The following ANKRA2 variants were observed in gnomAD, a reference collection of about 807,000 sequenced individuals.
ANKRA2 encodes the protein ankyrin repeat family A member 2, also known as ankyrin repeat family A protein 2.
Under a neutral mutation model 37.8 loss-of-function variants are expected in ANKRA2, and 33 were observed. The ratio of observed to expected loss-of-function variants is 0.87; its 90% CI spans 0.66 to 1.17. ANKRA2 has a LOEUF of 1.17. ANKRA2 is among the 50% of genes most tolerant of loss of function. ANKRA2 has a pLI of 0.00. For synonymous variants in ANKRA2, 126 were observed against 132.3 expected (o/e 0.95, Z 0.33); for missense variants, 326 against 373.7 (o/e 0.87, Z 1.05).
At chr5:73,559,378 T>C (rs965310191) in intron 3 of ANKRA2, among the ~76,000 whole-genome samples, 1 of 152,164 alleles carries the variant, frequency 6.6e-6, no homozygotes, top group African/African-American at 2.4e-5. Flanking sequence ...TTATACTATA[T>C]AGAATATTTT....
chr5:73,561,009 G>T, intron 3 of ANKRA2, 121 bp downstream of exon 3: 3 of 1,038,400 alleles, frequency 2.9e-6, no homozygotes, highest in Non-Finnish European at 4.1e-6. Flanking sequence ...GTATTCCATT[G>T]TGTAGTATAA....
At chr5:73,555,351 C>T (rs1490701631) in intron 5 of ANKRA2, 137 bp downstream of exon 5, 8 of 1,382,384 alleles carry the variant, frequency 5.8e-6, no homozygotes, top group Non-Finnish European at 7.7e-6. Context: ...GATCCAAGTT[C>T]CACAAGAATA....
At chr5:73,555,328 G>C in intron 5 of ANKRA2, 160 bp downstream of exon 5, 1 of 1,304,572 alleles carries the variant, frequency 7.7e-7, no homozygotes, top group East Asian at 2.5e-5. Flanking sequence ...GATTAGTCTT[G>C]CCTTCCCAAC....
Position 73,552,840 on chromosome 5 carries a change from A to G in ANKRA2, c.899T>C (p.Ile300Thr). 6.2e-7 allele frequency: 1 copy of G among 1,605,908 alleles called. No homozygotes were observed. The highest frequency in any genetic ancestry group is 8.5e-7 in the Non-Finnish European group (1 of 1,173,436). The change falls in exon 9 of 9, where the codon ATT becomes ACT. Residue 300 changes from isoleucine to threonine, a missense_variant. Around this residue, in one of 3 missense-constraint regions of ANKRA2, gnomAD observed 228 missense variants for 260.2 expected, o/e 0.88. Transcript: ENST00000296785. ...AAGCAGCTTCAACAAATGTGACTCA[A>G]TAACCTGTTGAACTAGAACAGATAG... ...ALGYRSVQQVIESHLLKLLQN... is the reference protein window; with the variant it reads ...ALGYRSVQQVTESHLLKLLQN...
intron 5 of ANKRA2, 179 bp from the exon 6 acceptor site, chr5:73,555,165 C>T: frequency 7.0e-7 from 1 of 1,420,320 alleles, no homozygotes; most frequent in Non-Finnish European, 9.1e-7. Flanking sequence ...TGCCTTCCTT[C>T]CTCCGTCCTG....
intron 1 of ANKRA2, among the ~76,000 whole-genome samples, chr5:73,564,586 T>C (rs1457451639): frequency 6.6e-6 from 1 of 152,218 alleles, no homozygotes; most frequent in Non-Finnish European, 1.5e-5. Flanking sequence ...CCAACATCGC[T>C]ACTAACTAGC....
rs1419324490 is a variant in ANKRA2, at chr5:73,552,569, C to T, written c.*228G>A. ...TAACTATCTGTACCATAAAAATTTA[C>T]ATGCCACGAAAACATTAATTTATAA... On this transcript the variant is annotated 3_prime_UTR_variant, in exon 9 of 9. Coordinates refer to ENST00000296785, the MANE Select transcript of ANKRA2 (RefSeq NM_023039.5). The T allele has an allele frequency of 2.5e-6, 1 of 406,672 alleles. No homozygotes were observed. Among genetic ancestry groups the T allele is most frequent in the Non-Finnish European group, 4.3e-6 (1 of 231,858 alleles). The allele number at this position is 406,672 out of a possible 1,614,324, so 25.2% of individuals were successfully genotyped here.
chr5:73,562,596 T>G lies in ANKRA2; in HGVS notation c.286A>C (p.Lys96Gln). 6.2e-7 allele frequency: 1 copy of G among 1,606,038 alleles called. No homozygotes were observed. Among genetic ancestry groups the G allele is most frequent in the South Asian group, 1.1e-5 (1 of 90,214 alleles). The change falls in exon 2 of 9, where the codon AAA (lysine) becomes CAA (glutamine). Residue 96 changes from lysine (K) to glutamine (Q), a missense_variant. Lys to Gln is a moderately conservative substitution (Grantham distance 53). This residue lies in a region of ANKRA2 where 228 missense variants were observed against 260.2 expected (regional missense o/e 0.88). Coordinates refer to ENST00000296785, the MANE Select transcript of ANKRA2 (RefSeq NM_023039.5). ...SDLEVASVLF[K>Q]AECNIHTSPS... The stretch of plus-strand genomic sequence containing the variant: ...TATTTATACCATAACTTTCAACCTT[T>G]AAATAGGACAGATGCCACCTCCAGG...
intron 2 of ANKRA2, among the ~76,000 whole-genome samples, chr5:73,561,865 G>A (rs886402110): frequency 6.6e-6 from 1 of 152,096 alleles, no homozygotes; most frequent in African/African-American, 2.4e-5. Flanking sequence ...TTATTATTCA[G>A]GGTATCATTA....
chr5:73,562,757 T>A lies in ANKRA2; in HGVS notation c.125A>T (p.Glu42Val). Residue 42 changes from glutamate (E) to valine (V), a missense_variant, in exon 2 of 9, where the codon GAA becomes GTA. Physicochemically the swap from Glu to Val is moderately radical, Grantham distance 121 (BLOSUM62 -2). This residue lies in a region of ANKRA2 where 93 missense variants were observed against 91.1 expected (regional missense o/e 1.02). Coordinates refer to ENST00000296785, the MANE Select transcript of ANKRA2 (RefSeq NM_023039.5). ...IEHPLDPNSE[E>V]GSAQGVAMGM... ...CATGGCAACACCCTGAGCTGACCCT[T>A]CTTCTGAATTTGGGTCCAGTGGATG... The A allele has an allele frequency of 6.2e-7, 1 of 1,614,174 alleles. No individual in the cohort carries two copies. The highest frequency in any genetic ancestry group is 8.5e-7 in the Non-Finnish European group (1 of 1,180,024).
chr5:73,560,606 G>A lies in ANKRA2; in HGVS notation c.448+524C>T, dbSNP rs375233594. ...TTGCTATGTTGCCCTGGCCAGTCTC[G>A]AATTCCTGAGCTCAAGTGACACACC... On this transcript the variant is annotated intron_variant, in intron 3 of 8. Coordinates refer to ENST00000296785, the MANE Select transcript of ANKRA2 (RefSeq NM_023039.5). Among the ~76,000 whole-genome samples the A allele has an allele frequency of 1.3e-3, 202 of 152,116 alleles. 5 individuals carry two copies. In the South Asian group the frequency reaches 0.039, roughly 30 times the overall value.
In ANKRA2 at chr5:73,562,442, T is replaced by C. The variant is rs1042758900; in HGVS notation, c.289+151A>G. ...TTAGATATTATATAATCTGAAATTA[T>C]TTTAATTTTGGTTTCTATGAGATTC... On this transcript the variant is annotated intron_variant, in intron 2 of 8. Coordinates refer to ENST00000296785, the MANE Select transcript of ANKRA2 (RefSeq NM_023039.5). The C allele has an allele frequency of 1.7e-5, 11 of 647,096 alleles. No individual in the cohort carries two copies. In the African/African-American group the frequency reaches 1.8e-4, roughly 11 times the overall value. The allele number at this position is 647,096 out of a possible 1,614,324, so 40.1% of individuals were successfully genotyped here.
rs1561271797 is a variant in ANKRA2 at position 73,562,908 on chromosome 5, AAAC to A, written c.-30_-28del. ...ATTTCAACTGTAGTTTCAATAACTAAAACATTTCTTCATGATTTCCTCTTGGTT... is the reference window on the plus strand; with the variant it reads ...ATTTCAACTGTAGTTTCAATAACTAAATTTCTTCATGATTTCCTCTTGGTT... On this transcript the variant is annotated 5_prime_UTR_variant, in exon 2 of 9. The change abolishes an upstream ATG in the 5' untranslated region. Transcript: ENST00000296785. 1 of 1,558,474 alleles carries A rather than the reference AAAC, an allele frequency of 6.4e-7. No homozygotes were observed. Among genetic ancestry groups the A allele is most frequent in the African/African-American group, 1.4e-5 (1 of 73,230 alleles).
chr5:73,558,798 G>A (rs1375698458), intron 3 of ANKRA2, among the ~76,000 whole-genome samples: 1 of 152,178 alleles, frequency 6.6e-6, no homozygotes, highest in Non-Finnish European at 1.5e-5. Flanking sequence ...CTCCCAAAGT[G>A]CTAGGATTAT....
chr5:73,561,256 C>T lies in ANKRA2; in HGVS notation c.322G>A (p.Gly108Arg). ...GTGTAGACATGCCTTACTTGAATTC[C>T]CGGAGAAGGAGATGTATGGATATTG... ...ECNIHTSPSP[G>R]IQVRHVYTPS... The change falls in exon 3 of 9, where the codon GGA (glycine) becomes AGA (arginine). Residue 108 changes from glycine to arginine, a missense_variant. Coordinates refer to ENST00000296785, the MANE Select transcript of ANKRA2 (RefSeq NM_023039.5). The T allele has an allele frequency of 6.2e-7, 1 of 1,613,108 alleles. No individual in the cohort carries two copies. The highest frequency in any genetic ancestry group is 1.1e-5 in the South Asian group (1 of 91,000).
At position 73,554,367 on chromosome 5, in the gene ANKRA2, A is replaced by C; in HGVS notation, c.760T>G (p.Tyr254Asp). The change falls in exon 7 of 9, where the codon TAT becomes GAT. Residue 254 changes from tyrosine to aspartate, a missense_variant. Around this residue, in one of 3 missense-constraint regions of ANKRA2, gnomAD observed 228 missense variants for 260.2 expected, o/e 0.88. Transcript: ENST00000296785. ...TTCACATGATTTCCATGTACAGCATAAAGCAGAGGTGTTCCTCCATTCTGC... is the reference window on the plus strand; with the variant it reads ...TTCACATGATTTCCATGTACAGCATCAAGCAGAGGTGTTCCTCCATTCTGC... ...YDWNGGTPLL[Y>D]AVHGNHVKCV... is the part of the protein sequence containing the mutation. 6.2e-7 allele frequency: 1 copy of C among 1,613,712 alleles called. No homozygotes were observed. Among genetic ancestry groups the C allele is most frequent in the South Asian group, 1.1e-5 (1 of 91,042 alleles).
chr5:73,555,679 T>G, intron 4 of ANKRA2, 94 bp from the exon 5 acceptor site: 1 of 1,088,012 alleles, frequency 9.2e-7, no homozygotes, highest in Non-Finnish European at 1.3e-6. Context: ...CTGATTATAA[T>G]ACTCAGTAAA....
chr5:73,563,243 T>A (rs186879997), intron 1 of ANKRA2, among the ~76,000 whole-genome samples: 1 of 152,324 alleles, frequency 6.6e-6, no homozygotes, highest in African/African-American at 2.4e-5. Context: ...CCATTAACCT[T>A]ATAGGGTTCT....
chr5:73,554,922 C>G lies in ANKRA2; in HGVS notation c.677G>C (p.Gly226Ala). Reference sequence around the variant, plus strand: ...CAGCATTTTGACAATATCTGTGTAGCCTTTACTACAGGCCAACGACAGTGC... The same window carrying G: ...CAGCATTTTGACAATATCTGTGTAGGCTTTACTACAGGCCAACGACAGTGC... The part of the protein sequence containing the change: ...ESALSLACSK[G>A]YTDIVKMLLD... The change falls in exon 6 of 9, where the codon GGC becomes GCC. Residue 226 changes from glycine (G) to alanine (A), a missense_variant. This residue lies in a region of ANKRA2 where 228 missense variants were observed against 260.2 expected (regional missense o/e 0.88). Transcript: ENST00000296785. The G allele has an allele frequency of 6.2e-7, 1 of 1,613,784 alleles. No individual in the cohort carries two copies. Among genetic ancestry groups the G allele is most frequent in the East Asian group, 2.2e-5 (1 of 44,866 alleles).
Sources: gnomAD v4.1 joint callset for allele counts (sites outside exome capture counted in the v4.1 genomes callset) on GRCh38, gnomAD v4.1.1 for gene constraint, gnomAD v4.1.1 regional missense constraint, MANE v1.5 for transcripts, NCBI Gene and HGNC (gene_info 2026-07-23, HGNC 2026-07-21) for gene names.